The following BCAR3 variants were observed in gnomAD, a reference collection of about 807,000 sequenced individuals.
BCAR3 encodes breast cancer anti-estrogen resistance protein 3.
Under a neutral mutation model 80.1 loss-of-function variants are expected in BCAR3, and 37 were observed. That is an observed-to-expected ratio of 0.46 (90% CI 0.36 to 0.61). BCAR3 has a LOEUF of 0.61. Among genes scored for constraint, BCAR3 ranks in the 20% least tolerant of loss-of-function variants. BCAR3 has a pLI of 0.00. For synonymous variants in BCAR3, 389 were observed against 418.9 expected (o/e 0.93, Z 0.87); for missense variants, 978 against 1,068.2 (o/e 0.92, Z 1.18).
At chr1:93,843,775 C>T (rs1313396389) in intron 2 of BCAR3, among the ~76,000 whole-genome samples, 2 of 152,168 alleles carry the variant, frequency 1.3e-5, no homozygotes, top group Non-Finnish European at 2.9e-5. Flanking sequence ...GCTTCATATT[C>T]ATAAATCGTA....
At chr1:93,652,676 T>C (rs1474751427) in intron 2 of BCAR3, among the ~76,000 whole-genome samples, 1 of 152,204 alleles carries the variant, frequency 6.6e-6, no homozygotes, top group African/African-American at 2.4e-5. Flanking sequence ...ATGCCAATTA[T>C]GAGTCCTCAC....
chr1:93,819,440 G>A (rs914370317), intron 2 of BCAR3, among the ~76,000 whole-genome samples: 1 of 152,172 alleles, frequency 6.6e-6, no homozygotes, highest in Non-Finnish European at 1.5e-5. Flanking sequence ...CCTCCCACTG[G>A]TTACCAAGCC....
rs1474744152 is a variant in BCAR3 at position 93,681,740 on chromosome 1, C to A, written c.-154G>T. 6.6e-6 allele frequency: 1 copy of A among 151,722 alleles called. No individual in the cohort carries two copies. Among genetic ancestry groups the A allele is most frequent in the Non-Finnish European group, 1.5e-5 (1 of 67,904 alleles). The allele number at this position is 151,722 out of a possible 1,614,324, so 9.4% of individuals were successfully genotyped here. A position where few individuals can be genotyped will look rare whatever the true frequency, so the allele number is the denominator to read the frequency against. On this transcript the variant is annotated 5_prime_UTR_variant, in exon 1 of 12. Transcript: ENST00000260502. ...GGACGCTCATGGTCCGCGGGGCGTG[C>A]CCGCCGAGAATCCCGCGCGCGTCTA...
chr1:93,841,958 C>T (rs113027046), intron 2 of BCAR3, among the ~76,000 whole-genome samples: 17 of 152,264 alleles, frequency 1.1e-4, no homozygotes, highest in African/African-American at 3.4e-4. Context: ...TTCTACCCTG[C>T]GCCCTAGCCA....
At chr1:93,715,170 A>G (rs1210218892) in intron 2 of BCAR3, among the ~76,000 whole-genome samples, 5 of 152,240 alleles carry the variant, frequency 3.3e-5, no homozygotes, top group African/African-American at 9.6e-5. Flanking sequence ...CCCCCCTGCT[A>G]TTCTTCCTGG....
intron 2 of BCAR3, among the ~76,000 whole-genome samples, chr1:93,838,648 C>G (rs141726502): frequency 6.6e-6 from 1 of 152,272 alleles, no homozygotes; most frequent in East Asian, 1.9e-4. Context: ...TACTGAAGAT[C>G]TGAGAAAAAC....
intron 3 of BCAR3, among the ~76,000 whole-genome samples, chr1:93,694,334 T>C (rs1557656984): frequency 6.6e-6 from 1 of 152,100 alleles, no homozygotes; most frequent in Non-Finnish European, 1.5e-5. Context: ...AGAGGAGACT[T>C]TCCAGGGACT....
chr1:93,741,718 A>G (rs1240177615), intron 2 of BCAR3, among the ~76,000 whole-genome samples: 1 of 151,928 alleles, frequency 6.6e-6, no homozygotes, highest in Non-Finnish European at 1.5e-5. Flanking sequence ...ACAGGCGTGC[A>G]CCACCACACC....
At position 93,660,062 on chromosome 1, in the gene BCAR3, G is replaced by T. The variant is rs186030277; in HGVS notation, c.317+14552C>A. Among the ~76,000 whole-genome samples, 167 of 152,092 alleles carry T rather than the reference G, an allele frequency of 1.1e-3. 2 individuals carry two copies. Among genetic ancestry groups the T allele is most frequent in the Non-Finnish European group, 1.0e-4 (7 of 67,976 alleles). The stretch of plus-strand genomic sequence containing the variant: ...GGTTTGAATAAATGAACGTGTGTGT[G>T]TGTGTGTGTGTGTGTGTGTGTTTTC... On this transcript the variant is annotated intron_variant, in intron 2 of 11. Coordinates refer to ENST00000260502, the MANE Select transcript of BCAR3 (RefSeq NM_003567.4).
chr1:93,753,239 G>A (rs1361676646), intron 2 of BCAR3: 1 of 152,212 alleles, frequency 6.6e-6, no homozygotes, highest in Admixed American at 6.5e-5. Context: ...TCCAGATCAT[G>A]TGTTTCCAAG....
chr1:93,773,380 C>G (rs997316221), intron 2 of BCAR3, among the ~76,000 whole-genome samples: 1 of 152,156 alleles, frequency 6.6e-6, no homozygotes, highest in African/African-American at 2.4e-5. Context: ...TGGAGCTGAA[C>G]TAGTTCAGAA....
At chr1:93,643,571 A>G (rs1439973149) in intron 2 of BCAR3, among the ~76,000 whole-genome samples, 2 of 148,804 alleles carry the variant, frequency 1.3e-5, no homozygotes, top group Non-Finnish European at 3.0e-5. Flanking sequence ...AAAAAAAAAA[A>G]AAAGAAATTT....
chr1:93,748,671 C>G (rs1338503165), intron 2 of BCAR3, among the ~76,000 whole-genome samples: 1 of 152,182 alleles, frequency 6.6e-6, no homozygotes, highest in Non-Finnish European at 1.5e-5. Context: ...TTAAAAGCAC[C>G]TCAAATACTG....
intron 2 of BCAR3, among the ~76,000 whole-genome samples, chr1:93,724,294 G>A (rs539276822): frequency 6.6e-6 from 1 of 152,300 alleles, no homozygotes; most frequent in East Asian, 1.9e-4. Context: ...CATCACACCA[G>A]TCCCATTGTG....
At chr1:93,715,435 G>A (rs1650162660) in intron 2 of BCAR3, among the ~76,000 whole-genome samples, 2 of 152,182 alleles carry the variant, frequency 1.3e-5, no homozygotes, top group African/African-American at 4.8e-5. Context: ...TAAAGGTGAG[G>A]AAAAGGAGGT....
At chr1:93,794,401 A>G (rs973775685) in intron 2 of BCAR3, among the ~76,000 whole-genome samples, 1 of 9,750 alleles carries the variant, frequency 1.0e-4, no homozygotes, top group African/African-American at 1.2e-3. Flanking sequence ...TCCCTTTACC[A>G]TTATGTAATG....
intron 2 of BCAR3, among the ~76,000 whole-genome samples, chr1:93,785,126 A>T (rs1004670271): frequency 6.6e-6 from 1 of 152,200 alleles, no homozygotes; most frequent in Non-Finnish European, 1.5e-5. Context: ...TTCAAACAAG[A>T]AACAGCAACC....
intron 1 of BCAR3, among the ~76,000 whole-genome samples, chr1:93,679,380 A>C (rs1429405423): frequency 6.6e-6 from 1 of 152,112 alleles, no homozygotes; most frequent in Non-Finnish European, 1.5e-5. Flanking sequence ...ATGGGGAGGG[A>C]AACGTTTTAA....
chr1:93,719,084 G>C (rs910574962), intron 2 of BCAR3, among the ~76,000 whole-genome samples: 1 of 151,996 alleles, frequency 6.6e-6, no homozygotes, highest in Non-Finnish European at 1.5e-5. Flanking sequence ...CACCAATAGA[G>C]TTGCAGGTTT....
Sources: allele counts gnomAD v4.1 joint callset (sites outside exome capture counted in the v4.1 genomes callset), GRCh38; gene constraint gnomAD v4.1.1; transcripts MANE v1.5; gene names NCBI Gene and HGNC (gene_info 2026-07-23, HGNC 2026-07-21).